The following UFD1 variants were observed in gnomAD, a reference collection of about 807,000 sequenced individuals.
UFD1 encodes the protein ubiquitin recognition factor in ER-associated degradation protein 1.
UFD1 carries 13 observed loss-of-function variants against 45.9 expected under a neutral mutation model. The observed-to-expected ratio is 0.28, with a 90% CI of 0.18 to 0.45. The LOEUF (loss-of-function observed/expected upper bound fraction) is 0.45, where lower values mean the gene tolerates loss of function less well. Among genes scored for constraint, UFD1 ranks in the 20% least tolerant of loss-of-function variants. The pLI is 1.00. For missense variants in UFD1, 218 were observed against 389.2 expected, an observed-to-expected ratio of 0.56 and a Z score of 3.70; for synonymous variants, 128 against 139.2, an observed-to-expected ratio of 0.92 and a Z score of 0.56.
intron 6 of UFD1, among the ~76,000 whole-genome samples, chr22:19,460,769 T>C (rs1364591588): frequency 2.0e-5 from 3 of 151,878 alleles, no homozygotes; most frequent in Non-Finnish European, 4.4e-5. Context: ...TTTTTTTTTT[T>C]TTTCCCTTGA....
chr22:19,462,087 C>T (rs118156813), intron 6 of UFD1, among the ~76,000 whole-genome samples: 3 of 152,258 alleles, frequency 2.0e-5, no homozygotes, highest in Non-Finnish European at 4.4e-5. Flanking sequence ...GCAACTTCTG[C>T]CTCCCGGACT....
At chr22:19,466,910 A>G (rs1419675878) in intron 5 of UFD1, 2 of 152,212 alleles carry the variant, frequency 1.3e-5, no homozygotes, top group Non-Finnish European at 2.9e-5. Flanking sequence ...ACAGCCAAAC[A>G]AGCATGTCTA....
chr22:19,465,095 G>T, intron 6 of UFD1, 107 bp downstream of exon 6: 1 of 1,026,370 alleles, frequency 9.7e-7, no homozygotes, highest in Non-Finnish European at 1.5e-6. Flanking sequence ...CAGTAATTAG[G>T]TGATAAGATC....
chr22:19,458,283 G>A, intron 6 of UFD1, 144 bp from the exon 7 acceptor site: 1 of 811,316 alleles, frequency 1.2e-6, no homozygotes, highest in Non-Finnish European at 2.0e-6. Context: ...ACTTCTTGCT[G>A]TGACAACACT....
At chr22:19,476,282 G>A (rs2089880473) in intron 1 of UFD1, among the ~76,000 whole-genome samples, 1 of 152,130 alleles carries the variant, frequency 6.6e-6, no homozygotes, top group South Asian at 2.1e-4. Flanking sequence ...GGAAGAACAG[G>A]TACCCAGTGG....
intron 5 of UFD1, chr22:19,467,292 C>T (rs1471484762): frequency 6.6e-6 from 1 of 152,290 alleles, no homozygotes; most frequent in African/African-American, 2.4e-5. Context: ...TTGGTGCACA[C>T]AGCACCGTCC....
Position 19,459,616 on chromosome 22 carries a change from AAAAC to A in UFD1, c.496-1481_496-1478del, listed in dbSNP as rs554975241. Among the ~76,000 whole-genome samples the A allele has an allele frequency of 5.3e-3, 806 of 152,282 alleles. 14 individuals carry two copies. Among genetic ancestry groups the A allele is most frequent in the African/African-American group, 0.019 (779 of 41,550 alleles). ...GGCAACAGAGCGAGACTCTGTGTCA[AAAAC>A]AAACAAACAAACAAGCAAACAAACA... On this transcript the variant is annotated intron_variant, in intron 6 of 11. Coordinates refer to ENST00000263202, the MANE Select transcript of UFD1 (RefSeq NM_005659.7).
At chr22:19,455,566 C>G (rs1193412119) in intron 10 of UFD1, 114 bp downstream of exon 10, 6 of 960,046 alleles carry the variant, frequency 6.2e-6, no homozygotes, top group Non-Finnish European at 9.6e-6. Flanking sequence ...GTTTTAGTCC[C>G]TTGGGAGACT....
chr22:19,472,467 G>T (rs2089853606), intron 3 of UFD1, among the ~76,000 whole-genome samples: 1 of 152,240 alleles, frequency 6.6e-6, no homozygotes, highest in Non-Finnish European at 1.5e-5. Flanking sequence ...GCAGGGTCAT[G>T]ACATAGGACG....
intron 4 of UFD1, among the ~76,000 whole-genome samples, chr22:19,469,006 A>T (rs1245765213): frequency 6.6e-6 from 1 of 152,198 alleles, no homozygotes; most frequent in Non-Finnish European, 1.5e-5. Flanking sequence ...TGCCTAGGCC[A>T]TGAGTGAAGC....
chr22:19,451,412 A>C, intron 11 of UFD1: 1 of 985,350 alleles, frequency 1.0e-6, no homozygotes, highest in Non-Finnish European at 1.2e-6. Flanking sequence ...CAAAGTGTGT[A>C]CACACTTTTA....
intron 11 of UFD1, chr22:19,453,621 G>C: frequency 1.0e-6 from 1 of 985,564 alleles, no homozygotes. Context: ...TGGAGGGTGA[G>C]GTCTGACTGG....
At chr22:19,475,190 A>G (rs2089872809) in intron 2 of UFD1, 90 bp from the exon 3 acceptor site, 1 of 1,343,794 alleles carries the variant, frequency 7.4e-7, no homozygotes, top group South Asian at 1.4e-5. Context: ...TCTAACAAAA[A>G]GCCTTAAACT....
chr22:19,454,400 C>A (rs2089706435), intron 11 of UFD1: 1 of 855,926 alleles, frequency 1.2e-6, no homozygotes. Context: ...GTAACTGAGT[C>A]ATGAGGGCGG....
intron 3 of UFD1, among the ~76,000 whole-genome samples, chr22:19,472,634 G>A (rs1393667619): frequency 6.6e-6 from 1 of 152,244 alleles, no homozygotes; most frequent in Non-Finnish European, 1.5e-5. Flanking sequence ...GGGCCCCCGG[G>A]AGAAGACCGA....
chr22:19,458,369 G>A (rs1182895316), intron 6 of UFD1, among the ~76,000 whole-genome samples: 1 of 152,188 alleles, frequency 6.6e-6, no homozygotes, highest in Non-Finnish European at 1.5e-5. Flanking sequence ...ATTAGACAAG[G>A]TAGTTATACA....
At position 19,450,357 on chromosome 22, in the gene UFD1, A is replaced by T. The variant is rs1032232077; in HGVS notation, c.*313T>A. 3.9e-5 allele frequency: 12 copies of T among 308,872 alleles called. No individual in the cohort carries two copies. Among genetic ancestry groups the T allele is most frequent in the Middle Eastern group, 9.8e-4 (1 of 1,016 alleles). The allele number at this position is 308,872 out of a possible 1,614,324, so 19.1% of individuals were successfully genotyped here. A position where few individuals can be genotyped will look rare whatever the true frequency, so the allele number is the denominator to read the frequency against. On this transcript the variant is annotated 3_prime_UTR_variant, in exon 12 of 12. Coordinates refer to ENST00000263202, the MANE Select transcript of UFD1 (RefSeq NM_005659.7). ...TAGTCACCTTCATAGGTTTTGACAG[A>T]ATTAGGGATGCAGAATTGCTCCTGC...
intron 4 of UFD1, chr22:19,471,073 G>C: frequency 2.3e-6 from 1 of 427,416 alleles, no homozygotes; most frequent in South Asian, 1.7e-5. Context: ...ACTGCTGCAG[G>C]CTCCTCCCTA....
intron 11 of UFD1, chr22:19,451,582 A>G (rs2089683150): frequency 1.0e-6 from 1 of 985,394 alleles, no homozygotes; most frequent in Non-Finnish European, 1.2e-6. Context: ...CATTATCTCA[A>G]CTTTTCCCTA....
Sources: gnomAD v4.1 joint callset for allele counts (sites outside exome capture counted in the v4.1 genomes callset) on GRCh38, gnomAD v4.1.1 for gene constraint, MANE v1.5 for transcripts, NCBI Gene and HGNC (gene_info 2026-07-23, HGNC 2026-07-21) for gene names.